The following DOK6 variants were observed in gnomAD, a reference collection of about 807,000 sequenced individuals.
DOK6 encodes docking protein 6, also known as downstream of tyrosine kinase 6.
Under a neutral mutation model 44.0 loss-of-function variants are expected in DOK6, and 22 were observed. That is an observed-to-expected ratio of 0.50 (90% CI 0.36 to 0.71). The LOEUF (loss-of-function observed/expected upper bound fraction) is 0.71. Among genes scored for constraint, DOK6 ranks in the 30% least tolerant of loss-of-function variants. DOK6 has a pLI of 0.00. For synonymous variants in DOK6, 166 were observed against 145.5 expected (o/e 1.14, Z -1.01); for missense variants, 340 against 416.4 (o/e 0.82, Z 1.60).
rs562029266 is a variant in DOK6, at chr18:69,847,211, A to C, written c.*5828A>C. The C allele has an allele frequency of 7.2e-5, 11 of 152,246 alleles. No individual in the cohort carries two copies. The highest frequency in any genetic ancestry group is 2.6e-4 in the African/African-American group (11 of 41,542). 9.4% of individuals were successfully genotyped at this position (152,246 alleles called of 1,614,324 possible). ...GTTGTCAGAAGAATGAATGGATTTA[A>C]ATTTTCTAATCATTATTTTGGGCCC... On this transcript the variant is annotated 3_prime_UTR_variant, in exon 8 of 8. Transcript: ENST00000382713.
At chr18:69,419,800 A>C (rs2079872319) in intron 1 of DOK6, among the ~76,000 whole-genome samples, 1 of 152,188 alleles carries the variant, frequency 6.6e-6, no homozygotes, top group African/African-American at 2.4e-5. Context: ...GAGGGCAGTC[A>C]ATAAACATTT....
intron 1 of DOK6, among the ~76,000 whole-genome samples, chr18:69,472,274 G>A (rs1346243300): frequency 2.6e-5 from 4 of 152,122 alleles, no homozygotes; most frequent in African/African-American, 4.8e-5. Context: ...GAGTGTGAGC[G>A]CCCGGGCAAG....
At chr18:69,457,276 A>C (rs1289870207) in intron 1 of DOK6, among the ~76,000 whole-genome samples, 1 of 152,186 alleles carries the variant, frequency 6.6e-6, no homozygotes, top group African/African-American at 2.4e-5. Context: ...ATTTTTAGAC[A>C]TTCAGATGTT....
chr18:69,774,137 T>TTTATATAGATATATATATGAG (rs1979985057), intron 7 of DOK6, among the ~76,000 whole-genome samples: 3 of 118,236 alleles, frequency 2.5e-5, no homozygotes, highest in Non-Finnish European at 5.1e-5. Context: ...ATATGAGATA[T>TTTATATAGATATATATATGAG]ATATATATAT....
chr18:69,817,059 A>G (rs1178835710), intron 7 of DOK6, among the ~76,000 whole-genome samples: 1 of 152,338 alleles, frequency 6.6e-6, no homozygotes, highest in African/African-American at 2.4e-5. Flanking sequence ...AAGGATGTGC[A>G]TATTAAACTG....
At chr18:69,429,298 A>G (rs1978730221) in intron 1 of DOK6, among the ~76,000 whole-genome samples, 1 of 152,028 alleles carries the variant, frequency 6.6e-6, no homozygotes, top group Non-Finnish European at 1.5e-5. Context: ...AAAACTTCTA[A>G]TTTAAGAATC....
At chr18:69,514,350 C>G (rs961488723) in intron 1 of DOK6, among the ~76,000 whole-genome samples, 2 of 152,088 alleles carry the variant, frequency 1.3e-5, no homozygotes, top group African/African-American at 2.4e-5. Flanking sequence ...GAAAAATTAA[C>G]AAGACTTGCC....
chr18:69,816,283 C>G (rs763601074), intron 7 of DOK6, among the ~76,000 whole-genome samples: 3 of 152,160 alleles, frequency 2.0e-5, no homozygotes, highest in African/African-American at 4.8e-5. Flanking sequence ...GACATTGAAA[C>G]GACAGCAGCT....
At chr18:69,704,521 C>G (rs1028922123) in intron 5 of DOK6, among the ~76,000 whole-genome samples, 2 of 147,924 alleles carry the variant, frequency 1.4e-5, no homozygotes, top group Non-Finnish European at 3.0e-5. Flanking sequence ...CTCTGTCGCC[C>G]AGGCTGGAGT....
intron 1 of DOK6, among the ~76,000 whole-genome samples, chr18:69,561,538 A>G (rs976377441): frequency 1.3e-5 from 2 of 152,142 alleles, no homozygotes; most frequent in African/African-American, 4.8e-5. Flanking sequence ...GCACATAACT[A>G]CAACATTATG....
rs940095503 is a variant in DOK6, at chr18:69,445,045, G to T, written c.66+43735G>T. Among the ~76,000 whole-genome samples the T allele has an allele frequency of 2.0e-5, 3 of 151,884 alleles. No homozygotes were observed. In the East Asian group the frequency reaches 5.8e-4, roughly 29 times the overall value. Reference sequence around the variant, plus strand: ...TTTTTACTTTCAGTATACAAGTCTTGCATATTCTTGGTTAAATGTATTGCT... The same window carrying T: ...TTTTTACTTTCAGTATACAAGTCTTTCATATTCTTGGTTAAATGTATTGCT... On this transcript the variant is annotated intron_variant, in intron 1 of 7. Transcript: ENST00000382713.
At chr18:69,512,669 A>G (rs1479929554) in intron 1 of DOK6, among the ~76,000 whole-genome samples, 1 of 152,088 alleles carries the variant, frequency 6.6e-6, no homozygotes, top group Non-Finnish European at 1.5e-5. Flanking sequence ...ATCCAGCAAG[A>G]AACAGTTCGT....
chr18:69,440,539 A>G (rs1279135213), intron 1 of DOK6, among the ~76,000 whole-genome samples: 3 of 152,120 alleles, frequency 2.0e-5, no homozygotes, highest in African/African-American at 7.2e-5. Flanking sequence ...GTTTTACCGT[A>G]TATTTGGGAA....
intron 1 of DOK6, among the ~76,000 whole-genome samples, chr18:69,417,898 G>GGC: frequency 6.6e-6 from 1 of 152,020 alleles, no homozygotes; most frequent in Non-Finnish European, 1.5e-5. Context: ...TTTTTAATCA[G>GGC]ATTGTTTGTT....
At chr18:69,430,055 C>G (rs1242546147) in intron 1 of DOK6, among the ~76,000 whole-genome samples, 2 of 152,064 alleles carry the variant, frequency 1.3e-5, no homozygotes, top group Admixed American at 1.3e-4. Context: ...CATTTTACAT[C>G]ATTGATCTTC....
chr18:69,817,304 TA>T (rs924931501), intron 7 of DOK6, among the ~76,000 whole-genome samples: 22 of 152,028 alleles, frequency 1.4e-4, no homozygotes, highest in African/African-American at 4.3e-4. Context: ...TCTTCTTACT[TA>T]AAAAAAATGA....
In DOK6 at chr18:69,774,133, G is replaced by GATATATATAGATATATATATAT. The variant is rs1555670144; in HGVS notation, c.856+16269_856+16270insGATATATATATATATATATATA. ...TAGATTTATATAGATATATATATGAGATATATATATATATATATATATAAT... is the reference window on the plus strand; with the variant it reads ...TAGATTTATATAGATATATATATGAGATATATATAGATATATATATATATATATATATATATATATATATAAT... On this transcript the variant is annotated intron_variant, in intron 7 of 7. Transcript: ENST00000382713. Among the ~76,000 whole-genome samples the GATATATATAGATATATATATAT allele has an allele frequency of 1.6e-4, 11 of 66,896 alleles. 1 individual carries two copies. In the East Asian group the frequency reaches 6.9e-3, roughly 42 times the overall value. 43.9% of individuals were successfully genotyped at this position (66,896 alleles called of 152,430 possible).
intron 5 of DOK6, among the ~76,000 whole-genome samples, chr18:69,727,987 C>G (rs538912601): frequency 1.3e-5 from 2 of 152,318 alleles, no homozygotes; most frequent in East Asian, 1.9e-4. Context: ...AGATTCAAGC[C>G]TCGTCTGGTC....
intron 2 of DOK6, among the ~76,000 whole-genome samples, chr18:69,583,879 C>T (rs529793408): frequency 4.7e-4 from 71 of 152,074 alleles, no homozygotes; most frequent in African/African-American, 1.4e-3. Flanking sequence ...GAGACCAAGG[C>T]GGGAGGATCA....
Sources: allele counts gnomAD v4.1 joint callset (sites outside exome capture counted in the v4.1 genomes callset), GRCh38; gene constraint gnomAD v4.1.1; transcripts MANE v1.5; gene names NCBI Gene and HGNC (gene_info 2026-07-23, HGNC 2026-07-21).